MAP2: variants seen among roughly 807,000 people sequenced by gnomAD.
MAP2 encodes the protein microtubule associated protein 2.
Under a neutral mutation model 137.6 loss-of-function variants are expected in MAP2, and 14 were observed. The ratio of observed to expected loss-of-function variants is 0.10; its 90% confidence interval spans 0.07 to 0.16. The LOEUF (loss-of-function observed/expected upper bound fraction) is 0.16. Among genes scored for constraint, MAP2 ranks in the 10% least tolerant of loss-of-function variants. The probability of loss-of-function intolerance (pLI) is 1.00; values close to 1 mark genes in which losing one functional copy is unlikely to be tolerated. For synonymous variants in MAP2, 786 were observed against 782.3 expected (o/e 1.00, Z -0.08); for missense variants, 2,088 against 2,191.5 (o/e 0.95, Z 0.94).
intron 2 of MAP2, among the ~76,000 whole-genome samples, chr2:209,552,479 C>T (rs951473448): frequency 6.6e-6 from 1 of 152,158 alleles, no homozygotes. Context: ...ATCTGTCACC[C>T]TTTTTGCATT....
chr2:209,651,236 C>T (rs1016581457), intron 4 of MAP2, among the ~76,000 whole-genome samples: 3 of 152,040 alleles, frequency 2.0e-5, no homozygotes, highest in Admixed American at 1.3e-4. Flanking sequence ...TCAATGTACA[C>T]AGGGAGAGGT....
At chr2:209,446,068 A>G (rs1020878259) in intron 1 of MAP2, among the ~76,000 whole-genome samples, 1 of 151,766 alleles carries the variant, frequency 6.6e-6, no homozygotes, top group African/African-American at 2.4e-5. Context: ...AAATTGTTCA[A>G]TTTAATGCCG....
At chr2:209,528,816 A>ATATGTATATGTACATATGTATGTATG (rs1559281817) in intron 2 of MAP2, among the ~76,000 whole-genome samples, 45 of 151,270 alleles carry the variant, frequency 3.0e-4, no homozygotes, top group Admixed American at 1.1e-3. Context: ...ATGTATGTAT[A>ATATGTATATGTACATATGTATGTATG]TATGTATATG....
chr2:209,725,541 AT>A (rs2073595939), intron 13 of MAP2, among the ~76,000 whole-genome samples, 167 bp from the exon 14 acceptor site: 3 of 152,176 alleles, frequency 2.0e-5, no homozygotes, highest in Admixed American at 6.5e-5. Flanking sequence ...ATGTGGGAGA[AT>A]ATATGGAAAA....
At chr2:209,590,242 T>G (rs974487209) in intron 3 of MAP2, among the ~76,000 whole-genome samples, 1 of 152,188 alleles carries the variant, frequency 6.6e-6, no homozygotes, top group Non-Finnish European at 1.5e-5. Context: ...CCTATTATTT[T>G]TTTCCCCCTT....
chr2:209,507,698 A>G (rs1434789049), intron 2 of MAP2, 57 bp downstream of exon 2: 2 of 152,140 alleles, frequency 1.3e-5, no homozygotes, highest in Non-Finnish European at 2.9e-5. Context: ...TAAAGGCATC[A>G]TGGGTCTTTA....
chr2:209,468,156 A>G (rs892886603), intron 1 of MAP2, among the ~76,000 whole-genome samples: 3 of 151,224 alleles, frequency 2.0e-5, no homozygotes, highest in Admixed American at 6.6e-5. Context: ...GAAAAATTCA[A>G]CTTTCATCTC....
At chr2:209,595,989 A>C (rs1019702413) in intron 3 of MAP2, among the ~76,000 whole-genome samples, 1 of 152,202 alleles carries the variant, frequency 6.6e-6, no homozygotes, top group African/African-American at 2.4e-5. Flanking sequence ...TAGCATTAGG[A>C]GAAATATCTA....
At chr2:209,495,155 G>C (rs959379655) in intron 1 of MAP2, among the ~76,000 whole-genome samples, 2 of 152,208 alleles carry the variant, frequency 1.3e-5, no homozygotes, top group African/African-American at 4.8e-5. Flanking sequence ...TCTGGACAGG[G>C]CATCTCTGAA....
intron 1 of MAP2, among the ~76,000 whole-genome samples, chr2:209,472,490 A>C (rs1243741471): frequency 1.3e-5 from 2 of 152,184 alleles, no homozygotes; most frequent in Non-Finnish European, 2.9e-5. Flanking sequence ...GTGACACTTA[A>C]AAGCTCATGG....
intron 4 of MAP2, among the ~76,000 whole-genome samples, chr2:209,630,504 C>T (rs1368170733): frequency 6.6e-6 from 1 of 152,054 alleles, no homozygotes; most frequent in Non-Finnish European, 1.5e-5. Context: ...CCAGGTGGTG[C>T]ATATATAGTT....
At chr2:209,610,581 T>G (rs2086497962) in intron 3 of MAP2, among the ~76,000 whole-genome samples, 1 of 152,138 alleles carries the variant, frequency 6.6e-6, no homozygotes. Flanking sequence ...ACCAAATAAC[T>G]TGTTATCAAA....
chr2:209,531,217 A>G (rs1271813909), intron 2 of MAP2, among the ~76,000 whole-genome samples: 1 of 152,196 alleles, frequency 6.6e-6, no homozygotes. Flanking sequence ...GAAAGAGGAA[A>G]GAAAAGATAA....
At chr2:209,628,536 C>T (rs1482822399) in intron 4 of MAP2, among the ~76,000 whole-genome samples, 6 of 152,124 alleles carry the variant, frequency 3.9e-5, no homozygotes, top group Admixed American at 2.0e-4. Context: ...ATGTTTACTA[C>T]TATCATAATC....
intron 2 of MAP2, among the ~76,000 whole-genome samples, chr2:209,574,432 T>TACACACACAC (rs57166815): frequency 2.0e-5 from 3 of 148,694 alleles, no homozygotes; most frequent in Admixed American, 6.7e-5. Context: ...ATAGTATAGA[T>TACACACACAC]ACACACACAC....
chr2:209,625,908 T>C (rs953495303), intron 4 of MAP2, among the ~76,000 whole-genome samples: 2 of 152,146 alleles, frequency 1.3e-5, no homozygotes, highest in African/African-American at 4.8e-5. Context: ...ACATCTTTCT[T>C]TAAACTCAAA....
At chr2:209,703,995 T>C (rs755527854) in intron 11 of MAP2, 3 of 455,780 alleles carry the variant, frequency 6.6e-6, no homozygotes, top group East Asian at 6.9e-5. Context: ...AGGGTGTCCA[T>C]GTGCAGGCTT....
intron 13 of MAP2, chr2:209,710,503 C>CTT: frequency 3.8e-4 from 140 of 373,192 alleles, no homozygotes; most frequent in Non-Finnish European, 4.8e-4. Context: ...GATTGACTAA[C>CTT]TTTTTTTTTT....
chr2:209,514,621 A>G (rs539184050), intron 2 of MAP2, among the ~76,000 whole-genome samples: 5 of 152,256 alleles, frequency 3.3e-5, no homozygotes, highest in South Asian at 4.1e-4. Context: ...TAGGCCTTAT[A>G]TCTTATTAGG....
Sources: gnomAD v4.1 joint callset for allele counts (sites outside exome capture counted in the v4.1 genomes callset) on GRCh38, gnomAD v4.1.1 for gene constraint, MANE v1.5 for transcripts, NCBI Gene and HGNC (gene_info 2026-07-23, HGNC 2026-07-21) for gene names.